DIAPH2: variants seen among roughly 807,000 people sequenced by gnomAD.
DIAPH2 encodes protein diaphanous homolog 2.
Under a neutral mutation model 92.7 loss-of-function variants are expected in DIAPH2, and 35 were observed. That is an observed-to-expected ratio of 0.38 (90% CI 0.29 to 0.50). DIAPH2 has a LOEUF of 0.50. Among genes scored for constraint, DIAPH2 ranks in the 20% least tolerant of loss-of-function variants. The probability of loss-of-function intolerance (pLI) is 0.94; values close to 1 mark genes in which losing one functional copy is unlikely to be tolerated. For missense variants in DIAPH2, 701 were observed against 819.5 expected (o/e 0.86, Z 1.77); for synonymous variants, 301 against 280.4 (o/e 1.07, Z -0.73).
At chrX:97,018,633 A>G (rs1289477426) in intron 17 of DIAPH2, among the ~76,000 whole-genome samples, 1 of 111,976 alleles carries the variant, frequency 8.9e-6, no homozygotes, top group Non-Finnish European at 1.9e-5. Context: ...TACTTTTTAA[A>G]GAGCATTTTA....
At chrX:97,311,595 A>G (rs1315467174) in intron 23 of DIAPH2, among the ~76,000 whole-genome samples, 1 of 110,812 alleles carries the variant, frequency 9.0e-6, no homozygotes, top group East Asian at 2.9e-4. Context: ...CGGGGACACA[A>G]GATCAGATGA....
At chrX:97,114,685 C>T (rs765711645) in intron 20 of DIAPH2, 41 bp from the exon 21 acceptor site, 19 of 1,118,488 alleles carry the variant, frequency 1.7e-5, no homozygotes, top group Non-Finnish European at 2.3e-5. Context: ...AAATAAGAGG[C>T]ATTAAATGTA....
intron 4 of DIAPH2, among the ~76,000 whole-genome samples, chrX:96,856,036 A>T (rs968304066): frequency 1.8e-5 from 2 of 112,262 alleles, no homozygotes; most frequent in Non-Finnish European, 3.8e-5. Context: ...GCAAATGTCA[A>T]TGGCGACTTT....
chrX:96,756,521 A>G (rs779322129), intron 3 of DIAPH2, among the ~76,000 whole-genome samples: 32 of 111,931 alleles, frequency 2.9e-4, no homozygotes, highest in African/African-American at 9.7e-4. Context: ...TTGTTTATCC[A>G]TTCGTCAATT....
chrX:96,779,609 A>T (rs2064401862), intron 4 of DIAPH2, among the ~76,000 whole-genome samples: 1 of 112,405 alleles, frequency 8.9e-6, no homozygotes, highest in South Asian at 3.7e-4. Flanking sequence ...CTTACTTCAG[A>T]TTGCTATTTG....
At chrX:96,816,927 A>G (rs1447810091) in intron 4 of DIAPH2, among the ~76,000 whole-genome samples, 2 of 112,141 alleles carry the variant, frequency 1.8e-5, no homozygotes, top group Non-Finnish European at 3.8e-5. Flanking sequence ...TTGCAACAAC[A>G]TGGCAAGAAC....
chrX:96,851,301 T>C (rs369666817), intron 4 of DIAPH2, among the ~76,000 whole-genome samples: 5 of 111,157 alleles, frequency 4.5e-5, no homozygotes, highest in African/African-American at 1.3e-4. Context: ...CGGGGTTGCG[T>C]CACGTTGCCC....
chrX:96,725,726 G>T (rs2064016668), intron 1 of DIAPH2, among the ~76,000 whole-genome samples: 1 of 112,155 alleles, frequency 8.9e-6, no homozygotes, highest in African/African-American at 3.2e-5. Context: ...TCAGTTAAAA[G>T]TACTAATAGT....
intron 14 of DIAPH2, 38 bp from the exon 15 acceptor site, chrX:96,948,897 C>G (rs747638288): frequency 2.1e-6 from 2 of 935,562 alleles, no homozygotes; most frequent in East Asian, 3.3e-5. Context: ...GTTCTGAAAA[C>G]TATATTATTA....
intron 21 of DIAPH2, among the ~76,000 whole-genome samples, chrX:97,131,954 G>T (rs866269171): frequency 4.5e-5 from 5 of 111,397 alleles, no homozygotes; most frequent in South Asian, 7.6e-4. Flanking sequence ...ATTCTCCTTG[G>T]ATAAGTGGGG....
chrX:97,068,836 T>TA (rs778688504), intron 17 of DIAPH2, among the ~76,000 whole-genome samples: 1 of 112,398 alleles, frequency 8.9e-6, no homozygotes, highest in East Asian at 2.8e-4. Context: ...AATATACAAA[T>TA]ATGTATGCGT....
intron 4 of DIAPH2, among the ~76,000 whole-genome samples, chrX:96,836,325 C>T (rs1163106408): frequency 9.2e-6 from 1 of 109,229 alleles, no homozygotes; most frequent in African/African-American, 3.3e-5. Context: ...ATTTAGAGAA[C>T]TTTTGTTATC....
intron 20 of DIAPH2, among the ~76,000 whole-genome samples, chrX:97,107,414 A>G (rs1344238825): frequency 8.9e-6 from 1 of 111,849 alleles, no homozygotes; most frequent in Non-Finnish European, 1.9e-5. Context: ...GTACACTTGT[A>G]TTGATTATTT....
intron 21 of DIAPH2, among the ~76,000 whole-genome samples, chrX:97,139,255 G>T (rs920388121): frequency 1.8e-5 from 2 of 109,113 alleles, no homozygotes; most frequent in African/African-American, 6.6e-5. Context: ...TGGTAAGAGA[G>T]ACTGAAGGCA....
intron 25 of DIAPH2, among the ~76,000 whole-genome samples, chrX:97,429,252 T>G (rs779531226): frequency 4.6e-4 from 52 of 112,151 alleles, no homozygotes; most frequent in Non-Finnish European, 9.2e-4. Flanking sequence ...TATTTAACCT[T>G]GTGTAACTCC....
chrX:97,586,366 G>C (rs899128485), intron 26 of DIAPH2, among the ~76,000 whole-genome samples: 2 of 111,524 alleles, frequency 1.8e-5, no homozygotes, highest in Admixed American at 9.5e-5. Flanking sequence ...TTTAATTTTA[G>C]AGTGATCTTG....
At chrX:96,692,392 A>T (rs1222020841) in intron 1 of DIAPH2, among the ~76,000 whole-genome samples, 2 of 112,170 alleles carry the variant, frequency 1.8e-5, no homozygotes, top group East Asian at 5.6e-4. Flanking sequence ...CCAATTGCCT[A>T]AAAAAATTAG....
At chrX:97,237,803 C>G (rs1306951303) in intron 22 of DIAPH2, among the ~76,000 whole-genome samples, 2 of 110,620 alleles carry the variant, frequency 1.8e-5, no homozygotes, top group Non-Finnish European at 3.8e-5. Flanking sequence ...GGATGGTCTC[C>G]ATCTCCTGAC....
intron 24 of DIAPH2, among the ~76,000 whole-genome samples, chrX:97,353,383 G>A (rs561319697): frequency 1.8e-5 from 2 of 111,008 alleles, no homozygotes; most frequent in African/African-American, 6.5e-5. Flanking sequence ...AGTGTTCACG[G>A]CAAGTATTAT....
Sources: allele counts gnomAD v4.1 joint callset (sites outside exome capture counted in the v4.1 genomes callset), GRCh38; gene constraint gnomAD v4.1.1; transcripts MANE v1.5; gene names NCBI Gene and HGNC (gene_info 2026-07-23, HGNC 2026-07-21).